The following CHAF1A variants were observed in gnomAD, a reference collection of about 807,000 sequenced individuals.
CHAF1A encodes chromatin assembly factor 1 subunit A.
CHAF1A carries 5 observed loss-of-function variants against 93.2 expected under a neutral mutation model. The ratio of observed to expected loss-of-function variants is 0.05; its 90% CI spans 0.03 to 0.11. The LOEUF (loss-of-function observed/expected upper bound fraction) is 0.11, where lower values mean the gene tolerates loss of function less well. Among genes scored for constraint, CHAF1A ranks in the 10% least tolerant of loss-of-function variants. The pLI is 1.00. For missense variants in CHAF1A, 1,102 were observed against 1,259.9 expected, an observed-to-expected ratio of 0.87 and a Z score of 1.90; for synonymous variants, 504 against 510.3, an observed-to-expected ratio of 0.99 and a Z score of 0.17.
downstream of CHAF1A, chr19:4,448,698 G>C (rs1385654345): frequency 4.3e-6 from 2 of 469,866 alleles, no homozygotes; most frequent in Non-Finnish European, 7.8e-6. Flanking sequence ...TGACGCGACA[G>C]AACTGTGCCT....
At chr19:4,408,873 A>G in intron 2 of CHAF1A, 30 bp from the exon 3 acceptor site, 1 of 1,571,914 alleles carries the variant, frequency 6.4e-7, no homozygotes, top group East Asian at 2.2e-5. Flanking sequence ...TTAAACGTTC[A>G]CTAGAGATGG....
Position 4,443,074 on chromosome 19 carries a change from C to T in CHAF1A, c.*49C>T. 1 of 1,221,946 alleles carries T rather than the reference C, an allele frequency of 8.2e-7. No individual in the cohort carries two copies. Among genetic ancestry groups the T allele is most frequent in the South Asian group, 1.3e-5 (1 of 77,754 alleles). 75.7% of individuals were successfully genotyped at this position (1,221,946 alleles called of 1,614,324 possible). A position where few individuals can be genotyped will look rare whatever the true frequency, so the allele number is the denominator to read the frequency against. Reference sequence around the variant, plus strand: ...TGCTTAGGGTGTCCTCCCCACAGAGCAGATACTTGAACCGACTCAATTCCT... The same window carrying T: ...TGCTTAGGGTGTCCTCCCCACAGAGTAGATACTTGAACCGACTCAATTCCT... On this transcript the variant is annotated 3_prime_UTR_variant, in exon 15 of 15. Transcript: ENST00000301280.
At position 4,405,931 on chromosome 19, in the gene CHAF1A, A is replaced by G; in HGVS notation, c.72A>G (p.Arg24=). ...TTGCAGCCATGGATTGCAAAGATAG[A>G]CCAGCTTTTCCAGTTAAGAAGTTAA... ...GAATAMDCKD[R]PAFPVKKLIQ... Residue 24 remains arginine, a synonymous_variant, in exon 2 of 15, where the codon AGA becomes AGG. Coordinates refer to ENST00000301280, the MANE Select transcript of CHAF1A (RefSeq NM_005483.3). The G allele has an allele frequency of 6.2e-7, 1 of 1,613,744 alleles. No homozygotes were observed. The highest frequency in any genetic ancestry group is 8.5e-7 in the Non-Finnish European group (1 of 1,179,636).
In CHAF1A at chr19:4,422,012, T is replaced by C. The variant is rs1973998651; in HGVS notation, c.1018-554T>C. Among the ~76,000 whole-genome samples, 1 of 151,514 alleles carries C rather than the reference T, an allele frequency of 6.6e-6. No homozygotes were observed. Among genetic ancestry groups the C allele is most frequent in the Admixed American group, 6.6e-5 (1 of 15,182 alleles). On this transcript the variant is annotated intron_variant, in intron 4 of 14. Coordinates refer to ENST00000301280, the MANE Select transcript of CHAF1A (RefSeq NM_005483.3). This position sits in a 1 kb window ranked among gnomAD's most constrained non-coding sequence, Gnocchi z 4.6. The stretch of plus-strand genomic sequence containing the variant: ...ACCCTCCACCACGCCTGGCTAATTT[T>C]TTTTTTTTTTTTTATTAAATGGAGT...
At chr19:4,417,539 C>T (rs1418749090) in intron 3 of CHAF1A, among the ~76,000 whole-genome samples, 1 of 147,556 alleles carries the variant, frequency 6.8e-6, no homozygotes, top group African/African-American at 2.5e-5. Flanking sequence ...CGGCTCACTG[C>T]AACCTCCTTC....
Position 4,422,097 on chromosome 19 carries a change from T to A in CHAF1A, c.1018-469T>A, listed in dbSNP as rs1974000328. 6.6e-6 allele frequency among the ~76,000 whole-genome samples: 1 copy of A among 151,686 alleles called. No homozygotes were observed. The highest frequency in any genetic ancestry group is 1.5e-5 in the Non-Finnish European group (1 of 67,900). ...CCGTGTTGGCTCACTGCAACCTCCG[T>A]CTCCTGGTTTCAAGCAATTCTTCTG... On this transcript the variant is annotated intron_variant, in intron 4 of 14. Coordinates refer to ENST00000301280, the MANE Select transcript of CHAF1A (RefSeq NM_005483.3). This position sits in a 1 kb window ranked among gnomAD's most constrained non-coding sequence, Gnocchi z 4.6.
intron 13 of CHAF1A, among the ~76,000 whole-genome samples, chr19:4,434,456 C>T (rs1460260822): frequency 6.6e-6 from 1 of 152,158 alleles, no homozygotes; most frequent in East Asian, 1.9e-4. Flanking sequence ...TGTGCGTCTA[C>T]CTTTATTGTT....
downstream of CHAF1A, chr19:4,446,160 G>A (rs192197761): frequency 3.4e-5 from 55 of 1,609,666 alleles, no homozygotes; most frequent in Middle Eastern, 3.3e-4. Context: ...GGACGAACCC[G>A]TACACCGCCC....
rs1430335031 is a variant in CHAF1A at position 4,443,005 on chromosome 19, A to G, written c.2851A>G (p.Ser951Gly). The G allele has an allele frequency of 6.3e-7, 1 of 1,594,902 alleles. No homozygotes were observed. The highest frequency in any genetic ancestry group is 8.5e-7 in the Non-Finnish European group (1 of 1,170,874). The change falls in exon 15 of 15, where the codon AGC (serine) becomes GGC (glycine). Residue 951 changes from serine to glycine, a missense_variant. Coordinates refer to ENST00000301280, the MANE Select transcript of CHAF1A (RefSeq NM_005483.3). ...CACCGGCAAGGCCACCCTGACCGCG[A>G]GCCCACTGGGTGCATCCTGAGAGCA... ...VDTGKATLTA[S>G]PLGAS
intron 3 of CHAF1A, among the ~76,000 whole-genome samples, chr19:4,413,420 C>G (rs1275491845): frequency 1.3e-5 from 2 of 152,274 alleles, no homozygotes; most frequent in East Asian, 1.9e-4. Context: ...TCCAAGCCAC[C>G]CCCTTCCCAC....
At chr19:4,445,636 T>G, downstream of CHAF1A, 1 of 1,610,814 alleles carries the variant, frequency 6.2e-7, no homozygotes. Context: ...GCGGTAGGGG[T>G]AGGCCGTCAC....
Position 4,409,121 on chromosome 19 carries a change from A to G in CHAF1A, c.322A>G (p.Thr108Ala). 1.2e-5 allele frequency: 20 copies of G among 1,614,212 alleles called. No homozygotes were observed. Among genetic ancestry groups the G allele is most frequent in the Non-Finnish European group, 1.7e-5 (20 of 1,180,048 alleles). The change falls in exon 3 of 15, where the codon ACC (threonine) becomes GCC (alanine). Residue 108 changes from threonine to alanine, a missense_variant. This residue lies in a region of CHAF1A where 379 missense variants were observed against 365.7 expected (regional missense o/e 1.04). Coordinates refer to ENST00000301280, the MANE Select transcript of CHAF1A (RefSeq NM_005483.3). ...LDNFLRNRIE[T>A]SIGQSTVIID... ...TAACTTTTTAAGAAATAGAATCGAAACCAGTATTGGCCAGAGCACAGTCAT... is the reference window on the plus strand; with the variant it reads ...TAACTTTTTAAGAAATAGAATCGAAGCCAGTATTGGCCAGAGCACAGTCAT...
At chr19:4,447,770 G>C, downstream of CHAF1A, 1 of 768,964 alleles carries the variant, frequency 1.3e-6, no homozygotes, top group East Asian at 2.7e-5. Context: ...GAGGGCAGCA[G>C]ACCATCTCCG....
intron 4 of CHAF1A, among the ~76,000 whole-genome samples, chr19:4,421,344 G>T (rs1282886007): frequency 6.6e-6 from 1 of 152,086 alleles, no homozygotes; most frequent in Non-Finnish European, 1.5e-5. Context: ...AAAGTGCTGG[G>T]ATTATAGGTG....
intron 1 of CHAF1A, among the ~76,000 whole-genome samples, chr19:4,405,624 AT>A (rs900321444): frequency 7.1e-4 from 103 of 144,220 alleles, no homozygotes; most frequent in Non-Finnish European, 9.1e-4. Flanking sequence ...AAAAAAAAAA[AT>A]TTTTTTTTTT....
Position 4,429,894 on chromosome 19 carries a change from A to G in CHAF1A, c.1854+106A>G, listed in dbSNP as rs1434345435. 5 of 980,474 alleles carry G rather than the reference A, an allele frequency of 5.1e-6. No individual in the cohort carries two copies. The African/African-American group carries it at 8.1e-5, about 16-fold the overall frequency. 60.7% of individuals were successfully genotyped at this position (980,474 alleles called of 1,614,324 possible). A position where few individuals can be genotyped will look rare whatever the true frequency, so the allele number is the denominator to read the frequency against. On this transcript the variant is annotated intron_variant, in intron 10 of 14. Coordinates refer to ENST00000301280, the MANE Select transcript of CHAF1A (RefSeq NM_005483.3). Reference sequence around the variant, plus strand: ...AGCCCAGCTGTGTTCACTCACTGACAGCTGGTGTTTGACCTGCTGTGTGGT... The same window carrying G: ...AGCCCAGCTGTGTTCACTCACTGACGGCTGGTGTTTGACCTGCTGTGTGGT...
chr19:4,446,664 G>T (rs776229378), downstream of CHAF1A: 15 of 1,612,024 alleles, frequency 9.3e-6, no homozygotes, highest in Admixed American at 2.5e-4. Context: ...GCCTCTCCAG[G>T]CTCTGGGGCT....
At chr19:4,425,099 C>T (rs1974057791) in intron 7 of CHAF1A, among the ~76,000 whole-genome samples, 1 of 152,078 alleles carries the variant, frequency 6.6e-6, no homozygotes, top group Non-Finnish European at 1.5e-5. Context: ...TATGTTGAGA[C>T]ATTTGATGGC....
chr19:4,445,973 T>C (rs1974502926), downstream of CHAF1A: 1 of 1,524,726 alleles, frequency 6.6e-7, no homozygotes, highest in Non-Finnish European at 8.8e-7. Flanking sequence ...GGCTCCCTCC[T>C]GGGGGTGTCT....
Sources: gnomAD v4.1 joint callset for allele counts (sites outside exome capture counted in the v4.1 genomes callset) on GRCh38, gnomAD v4.1.1 for gene constraint, gnomAD v4.1.1 regional missense constraint, Gnocchi (gnomAD v3.1) non-coding constraint, MANE v1.5 for transcripts, NCBI Gene and HGNC (gene_info 2026-07-23, HGNC 2026-07-21) for gene names.